The following NFIC variants were observed in gnomAD, a reference collection of about 807,000 sequenced individuals.
NFIC encodes the protein nuclear factor I C, also known as nuclear factor 1 C-type.
Under a neutral mutation model 54.4 loss-of-function variants are expected in NFIC, and 12 were observed. That is an observed-to-expected ratio of 0.22 (90% CI 0.14 to 0.36). NFIC has a LOEUF of 0.36. Ranked by LOEUF, NFIC falls within the 10% of genes least tolerant of loss-of-function variation. The pLI is 1.00. For missense variants in NFIC, 575 were observed against 718.2 expected (o/e 0.80, Z 2.28); for synonymous variants, 322 against 319.2 (o/e 1.01, Z -0.09).
chr19:3,422,816 A>G (rs1052686487), intron 2 of NFIC, among the ~76,000 whole-genome samples: 1 of 152,148 alleles, frequency 6.6e-6, no homozygotes, highest in Admixed American at 6.6e-5. Flanking sequence ...AAAACTGTAG[A>G]TAAAATAACC....
rs566102437 is a variant in NFIC at position 3,464,152 on chromosome 19, C to T, written c.*1383C>T. ...CTGGTGCCTCCCAGCGAAGGGGGAC[C>T]GCCGTTTGCACTTTCATCGCCTACC... is the stretch of plus-strand genomic sequence containing the variant. On this transcript the variant is annotated 3_prime_UTR_variant, in exon 11 of 11. Transcript: ENST00000443272. 6.1e-6 allele frequency: 6 copies of T among 985,342 alleles called. No individual in the cohort carries two copies. The highest frequency in any genetic ancestry group is 7.2e-6 in the Non-Finnish European group (6 of 829,918). The allele number at this position is 985,342 out of a possible 1,614,324, so 61.0% of individuals were successfully genotyped here.
rs1246981069 is a variant in NFIC at position 3,429,247 on chromosome 19, AAT to A, written c.634+4076_634+4077del. On this transcript the variant is annotated intron_variant, in intron 3 of 10. Transcript: ENST00000443272. ...TCTCTACCCCAAAAAAAAAAAAAAAAATATATACACACACACACACACACACA... is the reference window on the plus strand; with the variant it reads ...TCTCTACCCCAAAAAAAAAAAAAAAAATATACACACACACACACACACACA... 2.6e-3 allele frequency among the ~76,000 whole-genome samples: 99 copies of A among 37,712 alleles called. 14 individuals are homozygous for A. The East Asian group carries it at 0.053, about 20-fold the overall frequency. The allele number at this position is 37,712 out of a possible 152,430, so 24.7% of individuals were successfully genotyped here. A position where few individuals can be genotyped will look rare whatever the true frequency, so the allele number is the denominator to read the frequency against.
At chr19:3,372,620 C>A (rs903237739) in intron 1 of NFIC, among the ~76,000 whole-genome samples, 1 of 151,470 alleles carries the variant, frequency 6.6e-6, no homozygotes, top group African/African-American at 2.4e-5. Flanking sequence ...GGAAGGGAAC[C>A]ACGTGGGACT....
chr19:3,375,767 G>A lies in NFIC; in HGVS notation c.31-5945G>A, dbSNP rs570551070. On this transcript the variant is annotated intron_variant, in intron 1 of 10. Coordinates refer to ENST00000443272, the MANE Select transcript of NFIC (RefSeq NM_001245002.2). This position sits in a 1 kb window ranked among gnomAD's most constrained non-coding sequence, Gnocchi z 4.6. ...CCTCCCCCCGAAGCACCCCACGGCC[G>A]GAGGTGGCCCAAGGGGACGTGGAGC... 2.0e-4 allele frequency among the ~76,000 whole-genome samples: 30 copies of A among 152,302 alleles called. No individual in the cohort carries two copies. Among genetic ancestry groups the A allele is most frequent in the Admixed American group, 1.0e-3 (16 of 15,298 alleles).
At position 3,369,790 on chromosome 19, in the gene NFIC, C is replaced by T. The variant is rs1245013606; in HGVS notation, c.30+3124C>T. 2.0e-5 allele frequency among the ~76,000 whole-genome samples: 3 copies of T among 152,228 alleles called. No individual in the cohort carries two copies. The highest frequency in any genetic ancestry group is 4.8e-5 in the African/African-American group (2 of 41,458). On this transcript the variant is annotated intron_variant, in intron 1 of 10. Coordinates refer to ENST00000443272, the MANE Select transcript of NFIC (RefSeq NM_001245002.2). The surrounding 1 kb of genome is among the most constrained non-coding windows in gnomAD (Gnocchi z 4.3). ...GGCGCCACCGCCACGTTAGTTATTC[C>T]GGGTTTGGGGCCAAGTCCCTCTTGG...
intron 2 of NFIC, among the ~76,000 whole-genome samples, chr19:3,417,630 T>TG (rs2081883235): frequency 6.9e-6 from 1 of 144,410 alleles, no homozygotes; most frequent in African/African-American, 2.6e-5. Context: ...TTTTCTTTTT[T>TG]TTTTTTTTTT....
chr19:3,444,879 G>A (rs6510754), intron 6 of NFIC, among the ~76,000 whole-genome samples: 13,266 of 151,700 alleles, frequency 0.087, 1,848 homozygotes, highest in African/African-American at 0.3. Flanking sequence ...GTGCACACAT[G>A]TATGCATGCA....
chr19:3,416,107 G>A lies in NFIC; in HGVS notation c.563-8999G>A, dbSNP rs1422606778. On this transcript the variant is annotated intron_variant, in intron 2 of 10. Transcript: ENST00000443272. Reference sequence around the variant, plus strand: ...GAGCCCAGGAGGTCGAGCCTGCAGTGAGCTATGATGACACCACTGTCCTCC... The same window carrying A: ...GAGCCCAGGAGGTCGAGCCTGCAGTAAGCTATGATGACACCACTGTCCTCC... Among the ~76,000 whole-genome samples the A allele has an allele frequency of 6.0e-5, 9 of 150,772 alleles. No individual in the cohort carries two copies. In the South Asian group the frequency reaches 1.3e-3, roughly 21 times the overall value.
intron 2 of NFIC, among the ~76,000 whole-genome samples, chr19:3,410,195 C>T (rs921160662): frequency 9.2e-5 from 14 of 152,204 alleles, no homozygotes; most frequent in African/African-American, 2.7e-4. Flanking sequence ...CGCCTGCCAC[C>T]ACGCCCGGCT....
At chr19:3,398,993 G>T (rs1394709374) in intron 2 of NFIC, among the ~76,000 whole-genome samples, 1 of 152,248 alleles carries the variant, frequency 6.6e-6, no homozygotes, top group African/African-American at 2.4e-5. Flanking sequence ...CCCCAGGGCG[G>T]GGGTTCAGCT....
Position 3,463,848 on chromosome 19 carries a change from C to G in NFIC, c.*1079C>G. The stretch of plus-strand genomic sequence containing the variant: ...AGCGAGTGGTTTAAGTGCCTGATTA[C>G]CACCACCCGCCCCCCCCTTTGTCCA... On this transcript the variant is annotated 3_prime_UTR_variant, in exon 11 of 11. Transcript: ENST00000443272. 1.0e-6 allele frequency: 1 copy of G among 984,552 alleles called. No individual in the cohort carries two copies. The highest frequency in any genetic ancestry group is 1.1e-4 in the East Asian group (1 of 8,732). The allele number at this position is 984,552 out of a possible 1,614,324, so 61.0% of individuals were successfully genotyped here.
At chr19:3,414,646 A>G (rs1452112749) in intron 2 of NFIC, among the ~76,000 whole-genome samples, 1 of 142,408 alleles carries the variant, frequency 7.0e-6, no homozygotes, top group Non-Finnish European at 1.5e-5. Flanking sequence ...AATAAAATAA[A>G]ATAAGGAAAA....
Position 3,464,454 on chromosome 19 carries a change from T to C in NFIC, c.*1685T>C. 1 of 969,798 alleles carries C rather than the reference T, an allele frequency of 1.0e-6. No individual in the cohort carries two copies. Among genetic ancestry groups the C allele is most frequent in the Non-Finnish European group, 1.2e-6 (1 of 826,852 alleles). The allele number at this position is 969,798 out of a possible 1,614,324, so 60.1% of individuals were successfully genotyped here. ...CCACCCCCACCCCAGGATCGCCATC[T>C]TTAGGGGAGGCCTGGGAGGGGGTGT... is the stretch of plus-strand genomic sequence containing the variant. On this transcript the variant is annotated 3_prime_UTR_variant, in exon 11 of 11. Coordinates refer to ENST00000443272, the MANE Select transcript of NFIC (RefSeq NM_001245002.2).
intron 2 of NFIC, among the ~76,000 whole-genome samples, chr19:3,411,961 G>C (rs2081770047): frequency 1.3e-5 from 2 of 152,240 alleles, no homozygotes; most frequent in South Asian, 4.1e-4. Flanking sequence ...ACTGAGCTCA[G>C]CTGCAGAAAG....
At chr19:3,403,455 G>A (rs961883364) in intron 2 of NFIC, among the ~76,000 whole-genome samples, 1 of 152,202 alleles carries the variant, frequency 6.6e-6, no homozygotes, top group East Asian at 1.9e-4. Flanking sequence ...ACTTTTTGCA[G>A]CAAGGGAAAC....
Position 3,433,536 on chromosome 19 carries a change from A to G in NFIC, c.653A>G (p.Glu218Gly), listed in dbSNP as rs1199779689. The G allele has an allele frequency of 6.2e-7, 1 of 1,613,870 alleles. No homozygotes were observed. ...GTTCCAGACACGACCGACTTCCAGG[A>G]GAGCTTTGTCACCTCCGGCGTGTTC... ...PITLDTTDFQ[E>G]SFVTSGVFSV... Residue 218 changes from glutamate (E) to glycine (G), a missense_variant, in exon 4 of 11, where the codon GAG (glutamate) becomes GGG (glycine). Glu to Gly is a moderately conservative substitution (Grantham distance 98, BLOSUM62 -2). Around this residue, in one of 3 missense-constraint regions of NFIC, gnomAD observed 447 missense variants for 526.9 expected, o/e 0.85. Coordinates refer to ENST00000443272, the MANE Select transcript of NFIC (RefSeq NM_001245002.2).
intron 6 of NFIC, among the ~76,000 whole-genome samples, chr19:3,435,454 C>T (rs561108362): frequency 2.0e-5 from 3 of 152,352 alleles, no homozygotes; most frequent in African/African-American, 4.8e-5. Flanking sequence ...CCTGACTCTC[C>T]TGCCCTCCGG....
Position 3,452,568 on chromosome 19 carries a change from C to A in NFIC, c.1171C>A (p.His391Asn), listed in dbSNP as rs1328486723. The A allele has an allele frequency of 1.2e-5, 20 of 1,613,838 alleles. No homozygotes were observed. Among genetic ancestry groups the A allele is most frequent in the African/African-American group, 2.7e-5 (2 of 74,908 alleles). ...CCAGACGGCCTCCACCTACTTCCCCCACACGGCCATCCGCTACCCACCTCA... is the reference window on the plus strand; with the variant it reads ...CCAGACGGCCTCCACCTACTTCCCCAACACGGCCATCCGCTACCCACCTCA... ...LPQTASTYFP[H>N]TAIRYPPHLN... Residue 391 changes from histidine to asparagine, a missense_variant, in exon 8 of 11, where the codon CAC becomes AAC. Physicochemically the swap from His to Asn is moderately conservative, Grantham distance 68. This residue lies in a region of NFIC where 447 missense variants were observed against 526.9 expected (regional missense o/e 0.85). Transcript: ENST00000443272. This position sits in a 1 kb window ranked among gnomAD's most constrained non-coding sequence, Gnocchi z 5.3.
At chr19:3,446,586 GAT>G (rs2082377192) in intron 6 of NFIC, among the ~76,000 whole-genome samples, 1 of 152,218 alleles carries the variant, frequency 6.6e-6, no homozygotes, top group Non-Finnish European at 1.5e-5. Context: ...GGTCTCAGTA[GAT>G]ATGTTTTACC....
Sources: gnomAD v4.1 joint callset for allele counts (sites outside exome capture counted in the v4.1 genomes callset) on GRCh38, gnomAD v4.1.1 for gene constraint, gnomAD v4.1.1 regional missense constraint, Gnocchi (gnomAD v3.1) non-coding constraint, MANE v1.5 for transcripts, NCBI Gene and HGNC (gene_info 2026-07-23, HGNC 2026-07-21) for gene names.